The following SLC30A9 variants were observed in gnomAD, a reference collection of about 807,000 sequenced individuals.
SLC30A9 encodes proton-coupled zinc antiporter SLC30A9, mitochondrial.
A neutral mutation model predicts 87.5 loss-of-function variants in SLC30A9; 58 were observed. That is an observed-to-expected ratio of 0.66 (90% confidence interval 0.54 to 0.82). The LOEUF (loss-of-function observed/expected upper bound fraction) is 0.82. Among genes scored for constraint, SLC30A9 ranks in the 40% least tolerant of loss-of-function variants. The pLI, the probability that SLC30A9 is intolerant of heterozygous loss-of-function variation, is 0.00. For synonymous variants in SLC30A9, 234 were observed against 233.0 expected (o/e 1.00, Z -0.04); for missense variants, 557 against 679.1 (o/e 0.82, Z 2.00).
At chr4:42,002,672 C>T (rs1235702440) in intron 2 of SLC30A9, among the ~76,000 whole-genome samples, 1 of 151,916 alleles carries the variant, frequency 6.6e-6, no homozygotes, top group Admixed American at 6.6e-5. Context: ...TATCCAGTAC[C>T]CCATTGATGG....
chr4:42,001,716 T>C lies in SLC30A9; in HGVS notation c.210T>C (p.Asn70=). The change falls in exon 2 of 18, where the codon AAT becomes AAC. Residue 70 remains asparagine, a synonymous_variant. Coordinates refer to ENST00000264451, the MANE Select transcript of SLC30A9 (RefSeq NM_006345.4). ...TLSQVKLYST[N]VQKEGQGSQT... is the part of the protein sequence containing the mutation. ...GTCAAGTAAAGTTGTACTCCACAAA[T>C]GTTCAGAAAGAAGGACAGGGATCAC... 4 of 1,611,614 alleles carry C rather than the reference T, an allele frequency of 2.5e-6. No homozygotes were observed. Among genetic ancestry groups the C allele is most frequent in the Non-Finnish European group, 3.4e-6 (4 of 1,178,352 alleles).
intron 15 of SLC30A9, among the ~76,000 whole-genome samples, chr4:42,075,051 ATATATATATTTTTTTTTTTTTTTTTTT>A (rs1363650113): frequency 8.3e-5 from 2 of 24,070 alleles, no homozygotes; most frequent in East Asian, 3.7e-3. Flanking sequence ...ATATATATAT[ATATATATATTTTTTTTTTTTTTTTTTT>A]TTTTTTTTTT....
chr4:42,082,650 C>T (rs1455205708), intron 17 of SLC30A9, among the ~76,000 whole-genome samples: 1 of 152,160 alleles, frequency 6.6e-6, no homozygotes, highest in African/African-American at 2.4e-5. Context: ...GAGTTCAAGA[C>T]CAGCCTGACC....
At chr4:42,046,263 G>T (rs1259654803) in intron 8 of SLC30A9, among the ~76,000 whole-genome samples, 3 of 152,044 alleles carry the variant, frequency 2.0e-5, no homozygotes, top group African/African-American at 7.2e-5. Flanking sequence ...AGAAATAAAG[G>T]GTATTCAAAT....
At chr4:42,083,637 T>A (rs10805097) in intron 17 of SLC30A9, among the ~76,000 whole-genome samples, 99,200 of 151,990 alleles carry the variant, frequency 0.65, 36,875 homozygotes, top group East Asian at 0.96. Context: ...TAGTACACAT[T>A]TATTTATATC....
In SLC30A9 at chr4:42,078,340, TA is replaced by T. The variant is rs2153141265; in HGVS notation, c.1662+20del. 1 of 1,268,608 alleles carries T rather than the reference TA, an allele frequency of 7.9e-7. No homozygotes were observed. Among genetic ancestry groups the T allele is most frequent in the Non-Finnish European group, 1.1e-6 (1 of 880,974 alleles). The allele number at this position is 1,268,608 out of a possible 1,614,324, so 78.6% of individuals were successfully genotyped here. A position where few individuals can be genotyped will look rare whatever the true frequency, so the allele number is the denominator to read the frequency against. On this transcript the variant is annotated intron_variant, in intron 17 of 17. Coordinates refer to ENST00000264451, the MANE Select transcript of SLC30A9 (RefSeq NM_006345.4). ...AGGAACTGAAAGTAAGATGTATTCA[TA>T]AAAATAACATAATGATAATGGCAGC...
intron 6 of SLC30A9, among the ~76,000 whole-genome samples, chr4:42,032,696 C>CAA (rs996660345): frequency 9.9e-5 from 15 of 152,116 alleles, no homozygotes; most frequent in African/African-American, 3.6e-4. Context: ...AAGGAAAGAA[C>CAA]AAAGTAGCAG....
At chr4:42,039,770 C>T (rs1272958022) in intron 8 of SLC30A9, among the ~76,000 whole-genome samples, 1 of 151,968 alleles carries the variant, frequency 6.6e-6, no homozygotes, top group Non-Finnish European at 1.5e-5. Context: ...CTTGCCTTCC[C>T]CTTTTTCCCT....
chr4:42,075,108 C>G (rs1158541923), intron 15 of SLC30A9, among the ~76,000 whole-genome samples: 1 of 94,330 alleles, frequency 1.1e-5, no homozygotes, highest in Non-Finnish European at 1.9e-5. Context: ...GAGTCTTACT[C>G]TGTTGCCCAG....
intron 9 of SLC30A9, among the ~76,000 whole-genome samples, chr4:42,058,352 G>A (rs2153139467): frequency 6.6e-6 from 1 of 152,200 alleles, no homozygotes; most frequent in Middle Eastern, 3.4e-3. Context: ...GGACTTTATT[G>A]TCCGTATTGC....
At chr4:42,059,181 A>G (rs142564742) in intron 9 of SLC30A9, among the ~76,000 whole-genome samples, 1 of 152,326 alleles carries the variant, frequency 6.6e-6, no homozygotes, top group Non-Finnish European at 1.5e-5. Flanking sequence ...TTATCTAGAA[A>G]CTTCACTTAT....
chr4:42,001,923 A>G, intron 2 of SLC30A9, 143 bp downstream of exon 2: 2 of 557,536 alleles, frequency 3.6e-6, no homozygotes, highest in Non-Finnish European at 6.1e-6. Context: ...TAAAGCACTT[A>G]TTTAATTTCT....
intron 8 of SLC30A9, among the ~76,000 whole-genome samples, chr4:42,047,470 A>G (rs1297444620): frequency 2.0e-5 from 3 of 152,210 alleles, no homozygotes; most frequent in African/African-American, 4.8e-5. Context: ...CAACAAACAT[A>G]TGGAAAAAAG....
At chr4:42,009,702 A>G (rs1715360138) in intron 2 of SLC30A9, among the ~76,000 whole-genome samples, 1 of 152,254 alleles carries the variant, frequency 6.6e-6, no homozygotes, top group African/African-American at 2.4e-5. Context: ...GTATAACACT[A>G]TATATTTAGT....
chr4:42,076,058 C>T (rs914505985), intron 16 of SLC30A9, among the ~76,000 whole-genome samples: 10 of 151,966 alleles, frequency 6.6e-5, no homozygotes, highest in African/African-American at 2.4e-4. Context: ...AATGAAATAA[C>T]ATTTTTATTT....
chr4:42,075,874 T>TA, intron 16 of SLC30A9, 88 bp downstream of exon 16: 1 of 1,295,350 alleles, frequency 7.7e-7, no homozygotes, highest in Non-Finnish European at 1.1e-6. Flanking sequence ...TTATAGATCT[T>TA]AAAGGCACTT....
rs1280915045 is a variant in SLC30A9, at chr4:42,090,199, G to A, written c.*4073G>A. 1 of 152,184 alleles carries A rather than the reference G, an allele frequency of 6.6e-6. No homozygotes were observed. Among genetic ancestry groups the A allele is most frequent in the East Asian group, 1.9e-4 (1 of 5,202 alleles). 9.4% of individuals were successfully genotyped at this position (152,184 alleles called of 1,614,324 possible). A position where few individuals can be genotyped will look rare whatever the true frequency, so the allele number is the denominator to read the frequency against. On this transcript the variant is annotated 3_prime_UTR_variant, in exon 18 of 18. Transcript: ENST00000264451. ...AGCAAAGAATCGAAGGTAAAATGTT[G>A]ATTCAAAGATTGTCTCCCCTAAATC... is the stretch of plus-strand genomic sequence containing the variant.
intron 5 of SLC30A9, 99 bp from the exon 6 acceptor site, chr4:42,023,203 A>G (rs1458305983): frequency 1.2e-6 from 1 of 866,342 alleles, no homozygotes; most frequent in Non-Finnish European, 1.9e-6. Context: ...AGCACCTTAC[A>G]CTTTGTTGTA....
intron 2 of SLC30A9, among the ~76,000 whole-genome samples, chr4:42,005,271 T>C (rs1248417719): frequency 1.3e-5 from 2 of 152,190 alleles, no homozygotes; most frequent in Admixed American, 6.5e-5. Flanking sequence ...AGGGTTTGTT[T>C]TTGCTTTTGT....
Sources: gnomAD v4.1 joint callset for allele counts (sites outside exome capture counted in the v4.1 genomes callset) on GRCh38, gnomAD v4.1.1 for gene constraint, MANE v1.5 for transcripts, NCBI Gene and HGNC (gene_info 2026-07-23, HGNC 2026-07-21) for gene names.